PHF14: variants seen among roughly 807,000 people sequenced by gnomAD.
PHF14 encodes PHD finger protein 14.
Under a neutral mutation model 117.9 loss-of-function variants are expected in PHF14, and 55 were observed. The observed-to-expected ratio is 0.47, with a 90% CI of 0.38 to 0.58. The LOEUF (loss-of-function observed/expected upper bound fraction) is 0.58, where lower values mean the gene tolerates loss of function less well. Among genes scored for constraint, PHF14 ranks in the 20% least tolerant of loss-of-function variants. The pLI is 0.00. For synonymous variants in PHF14, 409 were observed against 368.6 expected (o/e 1.11, Z -1.26); for missense variants, 978 against 1,122.2 (o/e 0.87, Z 1.84).
At chr7:11,144,632 T>A (rs1238777165) in intron 17 of PHF14, among the ~76,000 whole-genome samples, 1 of 149,490 alleles carries the variant, frequency 6.7e-6, no homozygotes, top group Admixed American at 6.7e-5. Context: ...TATTTACTAA[T>A]GTTCCTAACG....
At chr7:11,102,170 T>C (rs1787116189) in intron 16 of PHF14, among the ~76,000 whole-genome samples, 1 of 151,910 alleles carries the variant, frequency 6.6e-6, no homozygotes, top group African/African-American at 2.4e-5. Flanking sequence ...TTTCCTTTTA[T>C]AAATACAAGC....
At chr7:11,106,937 T>G in intron 16 of PHF14, 1 of 984,176 alleles carries the variant, frequency 1.0e-6, no homozygotes, top group Non-Finnish European at 1.2e-6. Flanking sequence ...AAAGATAATG[T>G]GATTATCACA....
chr7:10,979,638 C>A (rs959216148), intron 2 of PHF14, among the ~76,000 whole-genome samples: 1 of 150,004 alleles, frequency 6.7e-6, no homozygotes, highest in African/African-American at 2.5e-5. Flanking sequence ...GAAAAAATAG[C>A]CAAGGGCCTT....
Position 11,130,613 on chromosome 7 carries a change from T to C in PHF14, c.2772+19146T>C, listed in dbSNP as rs1788067346. ...TCCTCCTTCCCCTAGTTTCCTCTGT[T>C]ACCATCTTGCATTCATGTGGTACAT... On this transcript the variant is annotated intron_variant, in intron 17 of 17. Coordinates refer to ENST00000634607, the MANE Select transcript of PHF14 (RefSeq NM_001007157.2). The surrounding 1 kb of genome is among the most constrained non-coding windows in gnomAD (Gnocchi z 4.2). Among the ~76,000 whole-genome samples, 1 of 152,026 alleles carries C rather than the reference T, an allele frequency of 6.6e-6. No individual in the cohort carries two copies. The highest frequency in any genetic ancestry group is 1.5e-5 in the Non-Finnish European group (1 of 67,958).
chr7:11,041,651 C>T (rs1050022671), intron 12 of PHF14, among the ~76,000 whole-genome samples: 2 of 151,900 alleles, frequency 1.3e-5, no homozygotes, highest in Non-Finnish European at 2.9e-5. Context: ...GAAAAGCCTA[C>T]ATTGTCTTAG....
chr7:11,010,631 T>C (rs1330457994), intron 4 of PHF14, among the ~76,000 whole-genome samples: 65 of 152,070 alleles, frequency 4.3e-4, no homozygotes, highest in Admixed American at 4.3e-3. Flanking sequence ...GAAATCCATA[T>C]ATACATATAT....
rs113450078 is a variant in PHF14 at position 11,147,561 on chromosome 7, C to T, written c.2773-21855C>T. 6.2e-3 allele frequency among the ~76,000 whole-genome samples: 942 copies of T among 152,304 alleles called. 7 individuals carry two copies. The highest frequency in any genetic ancestry group is 0.022 in the African/African-American group (901 of 41,560). The stretch of plus-strand genomic sequence containing the variant: ...TAGTTATGCCGCTGTCTGAATCTTA[C>T]TTGACCTCTCAATGTTATTTAACAA... On this transcript the variant is annotated intron_variant, in intron 17 of 17. Coordinates refer to ENST00000634607, the MANE Select transcript of PHF14 (RefSeq NM_001007157.2).
intron 2 of PHF14, among the ~76,000 whole-genome samples, chr7:10,979,836 T>G (rs1781993832): frequency 6.6e-6 from 1 of 152,172 alleles, no homozygotes. Context: ...ATTTGATATA[T>G]TGCTGATCCC....
At chr7:11,087,454 T>G (rs1323199834) in intron 16 of PHF14, among the ~76,000 whole-genome samples, 1 of 152,156 alleles carries the variant, frequency 6.6e-6, no homozygotes, top group Admixed American at 6.6e-5. Flanking sequence ...CCTCCCAAAG[T>G]GCTGGGGTTA....
chr7:11,080,273 A>T (rs918730930), intron 16 of PHF14, among the ~76,000 whole-genome samples: 8 of 152,034 alleles, frequency 5.3e-5, no homozygotes, highest in Non-Finnish European at 1.0e-4. Context: ...AATAAAATTT[A>T]AAAAAAACTT....
At chr7:11,017,458 A>G (rs1358469393) in intron 5 of PHF14, among the ~76,000 whole-genome samples, 1 of 152,172 alleles carries the variant, frequency 6.6e-6, no homozygotes, top group African/African-American at 2.4e-5. Flanking sequence ...ATGATATTTC[A>G]TGATAGTTTT....
At chr7:10,989,649 G>C (rs1248340393) in intron 3 of PHF14, among the ~76,000 whole-genome samples, 1 of 151,808 alleles carries the variant, frequency 6.6e-6, no homozygotes, top group Admixed American at 6.6e-5. Flanking sequence ...TTTTCTTTTT[G>C]AGACAGGGTC....
intron 4 of PHF14, among the ~76,000 whole-genome samples, chr7:10,996,946 G>C (rs1341212567): frequency 6.6e-6 from 1 of 152,154 alleles, no homozygotes; most frequent in African/African-American, 2.4e-5. Flanking sequence ...ATTTTTATTT[G>C]TTAGTGGACA....
chr7:11,103,389 A>G (rs1787155441), intron 16 of PHF14: 2 of 977,178 alleles, frequency 2.0e-6, no homozygotes, highest in Non-Finnish European at 1.2e-6. Context: ...GGAAGTACAA[A>G]GATTATTGAC....
intron 16 of PHF14, among the ~76,000 whole-genome samples, chr7:11,073,664 A>G (rs924458901): frequency 6.6e-6 from 1 of 152,048 alleles, no homozygotes; most frequent in East Asian, 1.9e-4. Context: ...CCTGGTAGGG[A>G]TTCTGTGTGA....
chr7:11,089,590 T>A (rs1234701919), intron 16 of PHF14, among the ~76,000 whole-genome samples: 1 of 152,170 alleles, frequency 6.6e-6, no homozygotes, highest in Non-Finnish European at 1.5e-5. Flanking sequence ...GGAAATATTT[T>A]TTAATGAGAT....
At chr7:11,024,783 G>T (rs1321331553) in intron 6 of PHF14, among the ~76,000 whole-genome samples, 1 of 152,182 alleles carries the variant, frequency 6.6e-6, no homozygotes, top group East Asian at 1.9e-4. Flanking sequence ...TCACCCAAGA[G>T]CTCTGATGAA....
chr7:11,064,853 A>G (rs956111349), intron 16 of PHF14, among the ~76,000 whole-genome samples: 7 of 152,040 alleles, frequency 4.6e-5, no homozygotes, highest in African/African-American at 7.2e-5. Context: ...CATGATCACA[A>G]TCATACTTGC....
chr7:10,995,124 A>C (rs1782590138), intron 4 of PHF14, among the ~76,000 whole-genome samples: 1 of 152,326 alleles, frequency 6.6e-6, no homozygotes, highest in Non-Finnish European at 1.5e-5. Flanking sequence ...AGCTAGACAC[A>C]GGGTGCAGAT....
Sources: allele counts gnomAD v4.1 joint callset (sites outside exome capture counted in the v4.1 genomes callset), GRCh38; gene constraint gnomAD v4.1.1; non-coding constraint Gnocchi (gnomAD v3.1); transcripts MANE v1.5; gene names NCBI Gene and HGNC (gene_info 2026-07-23, HGNC 2026-07-21).